GPC1: variants seen among roughly 807,000 people sequenced by gnomAD.
GPC1 encodes the protein glypican-1.
In GPC1, 26 loss-of-function variants were observed where a neutral mutation model predicts 51.5. The observed-to-expected ratio is 0.50, with a 90% CI of 0.37 to 0.70. GPC1 has a LOEUF of 0.70. Ranked by LOEUF, GPC1 falls within the 30% of genes least tolerant of loss-of-function variation. The pLI is 0.00. For synonymous variants in GPC1, 380 were observed against 348.3 expected (o/e 1.09, Z -1.01); for missense variants, 775 against 800.5 (o/e 0.97, Z 0.38).
intron 1 of GPC1, among the ~76,000 whole-genome samples, chr2:240,437,428 C>T (rs2151784297): frequency 6.6e-6 from 1 of 152,188 alleles, no homozygotes; most frequent in Admixed American, 6.5e-5. Context: ...GCAGACAGTC[C>T]CTTGGCGGAT....
At chr2:240,461,997 C>T (rs1413490907) in intron 2 of GPC1, among the ~76,000 whole-genome samples, 194 bp from the exon 3 acceptor site, 1 of 152,108 alleles carries the variant, frequency 6.6e-6, no homozygotes, top group Non-Finnish European at 1.5e-5. Flanking sequence ...CCCTGCTCCC[C>T]AGGCCAGGGG....
At chr2:240,439,462 CCA>C (rs935418768) in intron 1 of GPC1, among the ~76,000 whole-genome samples, 3 of 152,194 alleles carry the variant, frequency 2.0e-5, no homozygotes, top group African/African-American at 7.2e-5. Flanking sequence ...GCTCCTGTGC[CCA>C]GAGTGGCAGC....
chr2:240,465,699 GC>G, intron 8 of GPC1, 51 bp downstream of exon 8: 1 of 1,525,058 alleles, frequency 6.6e-7, no homozygotes, highest in East Asian at 2.3e-5. Context: ...TGGTGGGGGT[GC>G]CACAGGGGTG....
chr2:240,437,732 G>A (rs1473007882), intron 1 of GPC1, among the ~76,000 whole-genome samples: 2 of 152,152 alleles, frequency 1.3e-5, no homozygotes, highest in South Asian at 2.1e-4. Context: ...CTGAGTGGCT[G>A]CCCCTCCCAG....
At chr2:240,451,632 C>T (rs1387878763) in intron 1 of GPC1, 4 of 230,462 alleles carry the variant, frequency 1.7e-5, no homozygotes, top group African/African-American at 7.0e-5. Context: ...GCCTTACAGC[C>T]AAGACACCGG....
In GPC1 at chr2:240,465,076, G is replaced by A. The variant is rs367646741; in HGVS notation, c.1135-1G>A. On this transcript the variant is annotated splice_acceptor_variant, in intron 6 of 8. Transcript: ENST00000264039. LOFTEE classifies it high-confidence loss of function. ...CCAGTGGCCTGACTGCTGCCCCACA[G>A]GTCTCCGAAGCCAAGGCCCAGCTCC... The A allele has an allele frequency of 1.2e-6, 2 of 1,602,732 alleles. No individual in the cohort carries two copies. The highest frequency in any genetic ancestry group is 1.3e-5 in the African/African-American group (1 of 74,778).
In GPC1 at chr2:240,464,751, G is replaced by A. The variant is rs760199051; in HGVS notation, c.1014+5G>A. 2.4e-5 allele frequency: 38 copies of A among 1,604,380 alleles called. No homozygotes were observed. In the African/African-American group the frequency reaches 3.6e-4, roughly 15 times the overall value. On this transcript the variant is annotated splice_donor_5th_base_variant and intron_variant, in intron 5 of 8. Transcript: ENST00000264039. Reference sequence around the variant, plus strand: ...AGGGACACGCTCACGGCCAAGGTGCGGGCAGGAGGACGTGACGAGCACAGC... The same window carrying A: ...AGGGACACGCTCACGGCCAAGGTGCAGGCAGGAGGACGTGACGAGCACAGC...
intron 1 of GPC1, chr2:240,452,855 A>T (rs1464404929): frequency 9.6e-6 from 2 of 208,852 alleles, no homozygotes; most frequent in Non-Finnish European, 1.9e-5. Flanking sequence ...CTGCGGCCAG[A>T]GTCTCCCGCG....
Position 240,435,816 on chromosome 2 carries a change from G to C in GPC1, c.-103G>C. ...CGCCTCTGGACCGCGAGCCGCGCGC[G>C]CCGGGACCTTGGCTCTGCCCTTCGC... On this transcript the variant is annotated 5_prime_UTR_variant, in exon 1 of 9. Coordinates refer to ENST00000264039, the MANE Select transcript of GPC1 (RefSeq NM_002081.3). The C allele has an allele frequency of 4.0e-6, 3 of 740,806 alleles. No individual in the cohort carries two copies. The highest frequency in any genetic ancestry group is 4.8e-4 in the Middle Eastern group (1 of 2,100). The allele number at this position is 740,806 out of a possible 1,614,324, so 45.9% of individuals were successfully genotyped here.
intron 7 of GPC1, 74 bp downstream of exon 7, chr2:240,465,284 G>A (rs1238709313): frequency 1.3e-5 from 19 of 1,491,770 alleles, no homozygotes; most frequent in Middle Eastern, 2.0e-4. Context: ...GCCAGGTGCT[G>A]TCTGCACGGG....
chr2:240,465,750 C>T, intron 8 of GPC1, 102 bp downstream of exon 8: 1 of 946,378 alleles, frequency 1.1e-6, no homozygotes, highest in Non-Finnish European at 1.6e-6. Flanking sequence ...GGGCCCTCTG[C>T]TCCGGCATCA....
rs527963734 is a variant in GPC1 at position 240,448,158 on chromosome 2, C to T, written c.167-10872C>T. ...GAGAGTTCAGGAGGCACCGCAGGCCCTGTGGAGAGGCAGGAAGGGCAGGAG... is the reference window on the plus strand; with the variant it reads ...GAGAGTTCAGGAGGCACCGCAGGCCTTGTGGAGAGGCAGGAAGGGCAGGAG... On this transcript the variant is annotated intron_variant, in intron 1 of 8. Coordinates refer to ENST00000264039, the MANE Select transcript of GPC1 (RefSeq NM_002081.3). The surrounding 1 kb of genome is among the most constrained non-coding windows in gnomAD (Gnocchi z 4.5). 3.3e-5 allele frequency among the ~76,000 whole-genome samples: 5 copies of T among 152,272 alleles called. No individual in the cohort carries two copies. The highest frequency in any genetic ancestry group is 7.4e-5 in the Non-Finnish European group (5 of 68,008).
At chr2:240,440,186 C>A (rs1444102421) in intron 1 of GPC1, among the ~76,000 whole-genome samples, 1 of 152,236 alleles carries the variant, frequency 6.6e-6, no homozygotes, top group Admixed American at 6.5e-5. Context: ...CCCACACACA[C>A]CCCTCTCAGT....
Position 240,451,100 on chromosome 2 carries a change from G to A in GPC1, c.167-7930G>A, listed in dbSNP as rs573268553. The A allele has an allele frequency of 1.7e-4, 80 of 470,714 alleles. 3 individuals carry two copies. Among genetic ancestry groups the A allele is most frequent in the South Asian group, 1.2e-3 (75 of 64,510 alleles). 29.2% of individuals were successfully genotyped at this position (470,714 alleles called of 1,614,324 possible). A position where few individuals can be genotyped will look rare whatever the true frequency, so the allele number is the denominator to read the frequency against. On this transcript the variant is annotated intron_variant, in intron 1 of 8. Coordinates refer to ENST00000264039, the MANE Select transcript of GPC1 (RefSeq NM_002081.3). ...GTGGTTGGGTCGGAGGTGAGCGGCC[G>A]AGTTCCTTTGCTCCCTCCCCTTCTG... is the stretch of plus-strand genomic sequence containing the variant.
chr2:240,465,199 G>T lies in GPC1; in HGVS notation c.1257G>T (p.Met419Ile). 1.2e-6 allele frequency: 2 copies of T among 1,608,466 alleles called. No individual in the cohort carries two copies. The highest frequency in any genetic ancestry group is 1.7e-6 in the Non-Finnish European group (2 of 1,177,362). ...GTGATGACCGCTGCTGGAACGGGATGGCCAGAGGCCGGTAGGTGCCCACCT... is the reference window on the plus strand; with the variant it reads ...GTGATGACCGCTGCTGGAACGGGATTGCCAGAGGCCGGTAGGTGCCCACCT... ...TASDDRCWNG[M>I]ARGRYLPEVM... The change falls in exon 7 of 9, where the codon ATG becomes ATT. Residue 419 changes from methionine (M) to isoleucine (I), a missense_variant. Met to Ile is a conservative substitution (Grantham distance 10, BLOSUM62 1). Transcript: ENST00000264039.
intron 1 of GPC1, among the ~76,000 whole-genome samples, chr2:240,439,801 GT>G (rs2074006503): frequency 6.6e-6 from 1 of 152,218 alleles, no homozygotes; most frequent in African/African-American, 2.4e-5. Context: ...GTGGCTCAGC[GT>G]GGTTCCCAGG....
At chr2:240,446,313 ACTGGGTGCTGTT>A (rs1393990519) in intron 1 of GPC1, among the ~76,000 whole-genome samples, 5 of 152,240 alleles carry the variant, frequency 3.3e-5, no homozygotes, top group South Asian at 2.1e-4. Flanking sequence ...GTGAGCTCCT[ACTGGGTGCTGTT>A]CTGGGTGCTG....
chr2:240,446,748 T>C (rs983612315), intron 1 of GPC1, among the ~76,000 whole-genome samples: 1 of 152,120 alleles, frequency 6.6e-6, no homozygotes, highest in African/African-American at 2.4e-5. Flanking sequence ...CCTGGAGCAC[T>C]GGGGGCCAGC....
In GPC1 at chr2:240,464,645, T is replaced by G. The variant is rs763695116; in HGVS notation, c.913T>G (p.Trp305Gly). Residue 305 changes from tryptophan to glycine, a missense_variant, in exon 5 of 9, where the codon TGG becomes GGG. Physicochemically the swap from Trp to Gly is radical, Grantham distance 184 (BLOSUM62 -2). Coordinates refer to ENST00000264039, the MANE Select transcript of GPC1 (RefSeq NM_002081.3). Reference protein sequence around the residue: ...DSMVLITDKFWGTSGVESVIG... With the variant: ...DSMVLITDKFGGTSGVESVIG... ...CATGGTGCTCATCACCGACAAGTTC[T>G]GGGGTACATCGGGTGTGGAGAGTGT... The G allele has an allele frequency of 8.1e-6, 13 of 1,611,740 alleles. No homozygotes were observed. The Admixed American group carries it at 8.3e-5, about 10-fold the overall frequency.
Sources: gnomAD v4.1 joint callset for allele counts (sites outside exome capture counted in the v4.1 genomes callset) on GRCh38, gnomAD v4.1.1 for gene constraint, Gnocchi (gnomAD v3.1) non-coding constraint, MANE v1.5 for transcripts, NCBI Gene and HGNC (gene_info 2026-07-23, HGNC 2026-07-21) for gene names.